EYS: variants seen among roughly 807,000 people sequenced by gnomAD.
The protein encoded by EYS is EGF-like photoreceptor maintenance factor, also known as protein eyes shut homolog.
A neutral mutation model predicts 282.1 loss-of-function variants in EYS; 250 were observed. The ratio of observed to expected loss-of-function variants is 0.89; its 90% CI spans 0.80 to 0.98. The LOEUF (loss-of-function observed/expected upper bound fraction) is 0.98, where lower values mean the gene tolerates loss of function less well. EYS is among the 50% of genes least tolerant of loss of function. The pLI, the probability that EYS is intolerant of heterozygous loss-of-function variation, is 0.00. For missense variants in EYS, 4,016 were observed against 3,709.0 expected (o/e 1.08, Z -2.15); for synonymous variants, 1,355 against 1,282.9 (o/e 1.06, Z -1.20).
intron 30 of EYS, among the ~76,000 whole-genome samples, chr6:64,234,724 G>C (rs1019754164): frequency 6.6e-6 from 1 of 152,122 alleles, no homozygotes; most frequent in Non-Finnish European, 1.5e-5. Flanking sequence ...TCTAGTCTTA[G>C]TAAACGTTTA....
At chr6:65,574,955 G>T (rs1350502831) in intron 2 of EYS, among the ~76,000 whole-genome samples, 3 of 151,998 alleles carry the variant, frequency 2.0e-5, no homozygotes, top group Non-Finnish European at 4.4e-5. Flanking sequence ...AAAATAAATG[G>T]TAAGAGAAAT....
At chr6:65,347,389 G>A (rs554008671) in intron 9 of EYS, among the ~76,000 whole-genome samples, 5 of 151,456 alleles carry the variant, frequency 3.3e-5, no homozygotes, top group East Asian at 3.9e-4. Context: ...ATATATTCTC[G>A]ATCCTAATCT....
Position 64,590,309 on chromosome 6 carries a change from G to A in EYS, c.5558C>T (p.Thr1853Ile). The change falls in exon 26 of 43, where the codon ACT becomes ATT. Residue 1853 changes from threonine to isoleucine, a missense_variant. Physicochemically the swap from Thr to Ile is moderately conservative, Grantham distance 89 (BLOSUM62 -1). Coordinates refer to ENST00000503581, the MANE Select transcript of EYS (RefSeq NM_001142800.2). Reference protein sequence around the residue: ...QPSVQYQEFPTASRHLPFTRS... With the variant: ...QPSVQYQEFPIASRHLPFTRS... ...AGTGAAGGGAAGATGCCGGCTTGCA[G>A]TGGGAAATTCCTGATATTGCACACT... The A allele has an allele frequency of 1.3e-6, 2 of 1,551,182 alleles. No homozygotes were observed. The highest frequency in any genetic ancestry group is 1.2e-5 in the South Asian group (1 of 84,044).
At chr6:64,520,721 A>C (rs187711432) in intron 26 of EYS, among the ~76,000 whole-genome samples, 386 of 151,850 alleles carry the variant, frequency 2.5e-3, no homozygotes, top group East Asian at 0.011. Flanking sequence ...TTTTCCCTGA[A>C]ATTTTTACTT....
At chr6:65,061,801 A>G (rs1773582571) in intron 12 of EYS, among the ~76,000 whole-genome samples, 1 of 151,896 alleles carries the variant, frequency 6.6e-6, no homozygotes, top group South Asian at 2.1e-4. Context: ...TTTTCTCCTC[A>G]TAGGAACCAT....
At chr6:63,791,465 C>A (rs1167011103) in intron 37 of EYS, among the ~76,000 whole-genome samples, 1 of 151,632 alleles carries the variant, frequency 6.6e-6, no homozygotes, top group Non-Finnish European at 1.5e-5. Context: ...GTAGTTCCAG[C>A]TATTCAGGAG....
intron 22 of EYS, among the ~76,000 whole-genome samples, chr6:64,635,708 C>T (rs2149866251): frequency 6.6e-6 from 1 of 152,256 alleles, no homozygotes; most frequent in Admixed American, 6.5e-5. Context: ...TTTTGATGTG[C>T]TGCTGGATTC....
intron 14 of EYS, among the ~76,000 whole-genome samples, chr6:64,955,413 T>G (rs769249401): frequency 1.3e-5 from 2 of 151,768 alleles, no homozygotes; most frequent in Non-Finnish European, 2.9e-5. Context: ...GGAGAGGACA[T>G]AGTTAGAGGC....
intron 29 of EYS, among the ~76,000 whole-genome samples, chr6:64,376,613 C>T (rs1772568266): frequency 2.0e-5 from 3 of 152,110 alleles, no homozygotes; most frequent in South Asian, 2.1e-4. Flanking sequence ...CTAGGATAAT[C>T]GCATTCCTTT....
intron 11 of EYS, among the ~76,000 whole-genome samples, chr6:65,320,376 C>G (rs1363053643): frequency 1.0e-3 from 155 of 152,266 alleles, no homozygotes; most frequent in Non-Finnish European, 2.2e-4. Context: ...GCTACTAAGA[C>G]TAGCAGAGCT....
At chr6:64,085,297 C>G (rs114097774) in intron 31 of EYS, among the ~76,000 whole-genome samples, 2 of 151,230 alleles carry the variant, frequency 1.3e-5, no homozygotes, top group African/African-American at 4.9e-5. Flanking sequence ...TCTCTCTCCC[C>G]CTCCTTCTCC....
intron 33 of EYS, among the ~76,000 whole-genome samples, chr6:64,001,102 T>C (rs1226325749): frequency 6.6e-6 from 1 of 152,254 alleles, no homozygotes; most frequent in African/African-American, 2.4e-5. Flanking sequence ...TTAAGGATCA[T>C]ATTCTGAGAT....
At chr6:64,293,352 C>T (rs1416185317) in intron 30 of EYS, among the ~76,000 whole-genome samples, 1 of 151,992 alleles carries the variant, frequency 6.6e-6, no homozygotes, top group Non-Finnish European at 1.5e-5. Flanking sequence ...AAATCATGTC[C>T]AATTTAGTGA....
intron 8 of EYS, among the ~76,000 whole-genome samples, chr6:65,371,672 A>G (rs1323132913): frequency 7.5e-6 from 1 of 133,452 alleles, no homozygotes; most frequent in Non-Finnish European, 1.6e-5. Context: ...GCAAAGTTTA[A>G]TTATGTGAGC....
At chr6:64,443,549 T>C (rs1775021737) in intron 26 of EYS, among the ~76,000 whole-genome samples, 1 of 152,194 alleles carries the variant, frequency 6.6e-6, no homozygotes, top group Admixed American at 6.5e-5. Context: ...AAATCTCATC[T>C]TGTAGCCCAT....
intron 36 of EYS, among the ~76,000 whole-genome samples, chr6:63,847,308 T>C (rs1176475082): frequency 6.6e-6 from 1 of 152,210 alleles, no homozygotes; most frequent in Non-Finnish European, 1.5e-5. Context: ...ATAATCTTAA[T>C]GCAATGTAGG....
intron 41 of EYS, among the ~76,000 whole-genome samples, chr6:63,754,237 C>G (rs1364352966): frequency 1.3e-5 from 2 of 151,944 alleles, no homozygotes; most frequent in South Asian, 4.2e-4. Flanking sequence ...TACATGTGCA[C>G]AACATGCAGG....
intron 13 of EYS, among the ~76,000 whole-genome samples, chr6:65,056,758 G>C (rs967984293): frequency 6.6e-6 from 1 of 152,006 alleles, no homozygotes; most frequent in African/African-American, 2.4e-5. Flanking sequence ...AACATTGTTG[G>C]AAATTATAAT....
intron 29 of EYS, among the ~76,000 whole-genome samples, chr6:64,378,289 A>G (rs1246873058): frequency 6.6e-6 from 1 of 152,196 alleles, no homozygotes; most frequent in Non-Finnish European, 1.5e-5. Flanking sequence ...CTGAATATTC[A>G]TTAATCTGTT....
Sources: gnomAD v4.1 joint callset for allele counts (sites outside exome capture counted in the v4.1 genomes callset) on GRCh38, gnomAD v4.1.1 for gene constraint, MANE v1.5 for transcripts, NCBI Gene and HGNC (gene_info 2026-07-23, HGNC 2026-07-21) for gene names.